PDXDC1: variants seen among roughly 807,000 people sequenced by gnomAD.
PDXDC1 encodes the protein pyridoxal-dependent decarboxylase domain-containing protein 1.
Under a neutral mutation model 100.1 loss-of-function variants are expected in PDXDC1, and 42 were observed. The ratio of observed to expected loss-of-function variants is 0.42; its 90% confidence interval spans 0.33 to 0.54. The LOEUF is 0.54. PDXDC1 is among the 20% of genes least tolerant of loss of function. The probability of loss-of-function intolerance (pLI) is 0.10; values close to 1 mark genes in which losing one functional copy is unlikely to be tolerated. For synonymous variants in PDXDC1, 260 were observed against 371.7 expected (o/e 0.70, Z 3.46); for missense variants, 636 against 979.2 (o/e 0.65, Z 4.68).
At chr16:15,128,195 G>A (rs1336540446) in intron 16 of PDXDC1, 10 of 1,610,556 alleles carry the variant, frequency 6.2e-6, no homozygotes, top group East Asian at 2.2e-5. Context: ...GGGCAGAGGG[G>A]CAGAGCTTGG....
At chr16:15,074,127 T>A (rs1173355864) in intron 16 of PDXDC1, among the ~76,000 whole-genome samples, 1 of 152,202 alleles carries the variant, frequency 6.6e-6, no homozygotes, top group Non-Finnish European at 1.5e-5. Context: ...TATCCTTTCC[T>A]GTAGTTTCCA....
downstream of PDXDC1, among the ~76,000 whole-genome samples, chr16:15,142,374 T>A (rs1010220700): frequency 6.6e-6 from 1 of 152,124 alleles, no homozygotes; most frequent in Non-Finnish European, 1.5e-5. Flanking sequence ...GGCTGGCTCC[T>A]TCTCCCGGCC....
At chr16:15,073,894 AT>A (rs2151784114) in intron 16 of PDXDC1, among the ~76,000 whole-genome samples, 1 of 152,266 alleles carries the variant, frequency 6.6e-6, no homozygotes, top group African/African-American at 2.4e-5. Context: ...CTGGGATTCA[AT>A]AACAATTATT....
intron 16 of PDXDC1, among the ~76,000 whole-genome samples, chr16:15,088,993 T>A (rs1234838941): frequency 6.6e-6 from 1 of 151,988 alleles, no homozygotes; most frequent in African/African-American, 2.4e-5. Flanking sequence ...GGTAAATGCA[T>A]CTAACAGACA....
intron 16 of PDXDC1, chr16:15,125,744 C>G (rs2047678262): frequency 6.7e-7 from 1 of 1,495,236 alleles, no homozygotes; most frequent in African/African-American, 1.4e-5. Flanking sequence ...ACGGACGAGT[C>G]CAGGCAGCTG....
chr16:15,131,561 T>A (rs1252010069), intron 16 of PDXDC1: 2 of 1,609,106 alleles, frequency 1.2e-6, no homozygotes, highest in Non-Finnish European at 1.7e-6. Flanking sequence ...GGCTCCTCGT[T>A]GAGCACGCGG....
rs545996952 is a variant in PDXDC1, at chr16:15,015,697, C to T, written c.728-432C>T. On this transcript the variant is annotated intron_variant, in intron 8 of 22. Transcript: ENST00000396410. Reference sequence around the variant, plus strand: ...TGCCACTGCACTCTAGCCTGGGCGACAGTGTGAGACTCCGTCTCAAAAAAA... The same window carrying T: ...TGCCACTGCACTCTAGCCTGGGCGATAGTGTGAGACTCCGTCTCAAAAAAA... 10 of 237,104 alleles carry T rather than the reference C, an allele frequency of 4.2e-5. No individual in the cohort carries two copies. The East Asian group carries it at 1.6e-3, about 37-fold the overall frequency. 14.7% of individuals were successfully genotyped at this position (237,104 alleles called of 1,614,324 possible).
chr16:15,081,217 C>A (rs2045690366), intron 16 of PDXDC1, among the ~76,000 whole-genome samples: 1 of 152,162 alleles, frequency 6.6e-6, no homozygotes, highest in Admixed American at 6.5e-5. Context: ...ATTTTCATTT[C>A]TCTTGGGTAT....
At chr16:14,997,293 T>C (rs1972185080) in intron 1 of PDXDC1, among the ~76,000 whole-genome samples, 1 of 152,274 alleles carries the variant, frequency 6.6e-6, no homozygotes, top group Non-Finnish European at 1.5e-5. Context: ...TCCCAGCACT[T>C]TGGGAAGCCA....
intron 16 of PDXDC1, chr16:15,071,070 C>A (rs1162913194): frequency 1.3e-6 from 2 of 1,518,508 alleles, no homozygotes; most frequent in South Asian, 2.4e-5. Flanking sequence ...CAATGCTATA[C>A]TCTTTTTAAA....
At chr16:15,034,404 TG>T (rs1172374203) in intron 20 of PDXDC1, 26 bp downstream of exon 20, 2 of 1,613,324 alleles carry the variant, frequency 1.2e-6, no homozygotes, top group Non-Finnish European at 1.7e-6. Context: ...GGCAGCAGGC[TG>T]GGGGAGCCGC....
the PDXDC1 span, among the ~76,000 whole-genome samples, chr16:15,147,406 A>G: frequency 1.3e-5 from 2 of 152,230 alleles, no homozygotes; most frequent in African/African-American, 4.8e-5. Flanking sequence ...CCTGGTCTGT[A>G]AAATGAGACC....
At chr16:15,040,761 G>C (rs1020485842), downstream of PDXDC1, among the ~76,000 whole-genome samples, 6 of 152,180 alleles carry the variant, frequency 3.9e-5, no homozygotes, top group African/African-American at 1.2e-4. Flanking sequence ...GGGGTGCTGG[G>C]GGGAGAGGGA....
rs958896119 is a variant in PDXDC1, at chr16:15,037,247, C to T, written c.*972C>T. ...CACCCTGCTTAAGTCAGTAGAAGCT[C>T]GCTGGCACTGCCCGTTCCTACTTTT... On this transcript the variant is annotated 3_prime_UTR_variant, in exon 23 of 23. Transcript: ENST00000396410. 1.3e-5 allele frequency: 2 copies of T among 152,240 alleles called. No individual in the cohort carries two copies. The highest frequency in any genetic ancestry group is 2.1e-4 in the South Asian group (1 of 4,828). 9.4% of individuals were successfully genotyped at this position (152,240 alleles called of 1,614,324 possible).
chr16:15,148,401 T>TTTTTTTTTTTTTTTTTTTTTG, the PDXDC1 span, among the ~76,000 whole-genome samples: 1 of 102,520 alleles, frequency 9.8e-6, no homozygotes. Flanking sequence ...TTTTTTTTTT[T>TTTTTTTTTTTTTTTTTTTTTG]GAGACAGGGT....
At chr16:15,117,811 T>C (rs912202592) in intron 16 of PDXDC1, among the ~76,000 whole-genome samples, 1 of 59,030 alleles carries the variant, frequency 1.7e-5, no homozygotes, top group African/African-American at 7.0e-5. Context: ...ATAACTCATA[T>C]ATTTTCTGTT....
chr16:15,006,253 G>C (rs1244078489), intron 5 of PDXDC1, 141 bp from the exon 6 acceptor site: 1 of 604,946 alleles, frequency 1.7e-6, no homozygotes, highest in Admixed American at 3.0e-5. Flanking sequence ...CTATGATGAG[G>C]ATGTTTCACA....
At chr16:15,094,193 G>C (rs1215831699) in intron 16 of PDXDC1, 1 of 1,599,926 alleles carries the variant, frequency 6.3e-7, no homozygotes, top group African/African-American at 1.3e-5. Context: ...CGAAGCGGCC[G>C]CATCTCCCGG....
At chr16:15,058,942 T>C (rs2151747646) in intron 16 of PDXDC1, among the ~76,000 whole-genome samples, 1 of 152,262 alleles carries the variant, frequency 6.6e-6, no homozygotes. Flanking sequence ...CCCAAATTAT[T>C]AGATACATTA....
Sources: gnomAD v4.1 joint callset for allele counts (sites outside exome capture counted in the v4.1 genomes callset) on GRCh38, gnomAD v4.1.1 for gene constraint, MANE v1.5 for transcripts, NCBI Gene and HGNC (gene_info 2026-07-23, HGNC 2026-07-21) for gene names.